Variants in CALN1 observed in about 807,000 individuals in gnomAD.
The protein encoded by CALN1 is calcium-binding protein 8.
CALN1 carries 17 observed loss-of-function variants against 30.6 expected under a neutral mutation model. The ratio of observed to expected loss-of-function variants is 0.56; its 90% confidence interval spans 0.38 to 0.83. The LOEUF is 0.83. Among genes scored for constraint, CALN1 ranks in the 40% least tolerant of loss-of-function variants. The pLI is 0.00. For synonymous variants in CALN1, 156 were observed against 131.4 expected, an observed-to-expected ratio of 1.19 and a Z score of -1.28; for missense variants, 291 against 354.9, an observed-to-expected ratio of 0.82 and a Z score of 1.45.
intron 4 of CALN1, among the ~76,000 whole-genome samples, chr7:72,052,272 A>G (rs915194461): frequency 5.9e-5 from 9 of 152,214 alleles, no homozygotes. Flanking sequence ...CTGTGAATAT[A>G]TAACAGCAAG....
chr7:72,030,866 C>A (rs1210606019), intron 4 of CALN1, among the ~76,000 whole-genome samples: 1 of 152,038 alleles, frequency 6.6e-6, no homozygotes. Flanking sequence ...CCTGCCTCAG[C>A]TTCTGGAGTA....
At chr7:71,918,335 T>C (rs576704022) in intron 5 of CALN1, among the ~76,000 whole-genome samples, 47 of 152,318 alleles carry the variant, frequency 3.1e-4, no homozygotes, top group African/African-American at 1.1e-3. Flanking sequence ...TTTGAAACAA[T>C]GCATCTGTGT....
At chr7:72,467,223 A>G in the CALN1 span, among the ~76,000 whole-genome samples, 17 of 152,162 alleles carry the variant, frequency 1.1e-4, no homozygotes, top group Non-Finnish European at 2.2e-4. Context: ...GTTCCTGGGC[A>G]GTTCCAAGCC....
chr7:71,967,461 C>G (rs1003842662), intron 5 of CALN1, among the ~76,000 whole-genome samples: 18 of 151,630 alleles, frequency 1.2e-4, no homozygotes. Context: ...GACCTTGTCT[C>G]TACTAAAAAT....
At chr7:72,368,503 T>C (rs1804019870) in intron 2 of CALN1, among the ~76,000 whole-genome samples, 1 of 151,952 alleles carries the variant, frequency 6.6e-6, no homozygotes, top group African/African-American at 2.4e-5. Flanking sequence ...GTGATAAATT[T>C]ATATACAAGA....
chr7:71,952,029 C>G (rs1175179936), intron 5 of CALN1, among the ~76,000 whole-genome samples: 2 of 152,040 alleles, frequency 1.3e-5, no homozygotes, highest in Non-Finnish European at 1.5e-5. Context: ...GGAGGGAGAA[C>G]CAGGCAGGAC....
At chr7:71,861,777 C>CAAAAAAA (rs35793572) in intron 5 of CALN1, among the ~76,000 whole-genome samples, 1 of 74,702 alleles carries the variant, frequency 1.3e-5, no homozygotes, top group Non-Finnish European at 2.4e-5. Context: ...CAACTCTATC[C>CAAAAAAA]AAAAAAAAAA....
chr7:72,299,771 G>C (rs1035591149), intron 2 of CALN1, among the ~76,000 whole-genome samples: 1 of 149,838 alleles, frequency 6.7e-6, no homozygotes, highest in Non-Finnish European at 1.5e-5. Context: ...CTGGGTTCAA[G>C]GGATCCTCCT....
Position 72,403,332 on chromosome 7 carries a change from T to A in CALN1, c.38A>T (p.Glu13Val), listed in dbSNP as rs1371654631. 5 of 1,549,608 alleles carry A rather than the reference T, an allele frequency of 3.2e-6. No homozygotes were observed. In the East Asian group the frequency reaches 1.2e-4, roughly 38 times the overall value. ...TCCTCCGTCCCCCTTTTTCTCATTC[T>A]CGGGCTTCCCCTCTCCGGGTTGCTC... Reference protein sequence around the residue: ...LPEQPGEGKPENEKKGDGGAL... With the variant: ...LPEQPGEGKPVNEKKGDGGAL... Residue 13 changes from glutamate (E) to valine (V), a missense_variant, in exon 2 of 7, where the codon GAG becomes GTG. Transcript: ENST00000395275.
chr7:72,068,859 A>C (rs1804203780), intron 4 of CALN1, among the ~76,000 whole-genome samples: 1 of 152,164 alleles, frequency 6.6e-6, no homozygotes, highest in African/African-American at 2.4e-5. Context: ...AAGATGATTA[A>C]AGAAAAAATC....
chr7:72,471,364 T>C, the CALN1 span, among the ~76,000 whole-genome samples: 5 of 152,280 alleles, frequency 3.3e-5, no homozygotes, highest in East Asian at 1.9e-4. Flanking sequence ...CTAAAACCCA[T>C]TGGTGCTGCC....
At chr7:72,335,818 T>C (rs1231797246) in intron 2 of CALN1, among the ~76,000 whole-genome samples, 2 of 152,088 alleles carry the variant, frequency 1.3e-5, no homozygotes, top group African/African-American at 4.8e-5. Flanking sequence ...ATCCCCTCGG[T>C]GCACGCTCTG....
chr7:72,067,347 T>C (rs984017382), intron 4 of CALN1, among the ~76,000 whole-genome samples: 21 of 152,026 alleles, frequency 1.4e-4, no homozygotes, highest in Admixed American at 1.3e-3. Flanking sequence ...GCTCAAGCTA[T>C]CCTCCTGCAT....
chr7:72,058,046 C>T lies in CALN1; in HGVS notation c.389-34277G>A, dbSNP rs138896074. On this transcript the variant is annotated intron_variant, in intron 4 of 6. Coordinates refer to ENST00000395275, the MANE Select transcript of CALN1 (RefSeq NM_031468.4). ...AGCCCATATTATCCAGAATGTTATA[C>T]AACCACCATCCGGATCATTTCACGC... 4.2e-4 allele frequency among the ~76,000 whole-genome samples: 64 copies of T among 152,244 alleles called. 1 individual carries two copies. In the East Asian group the frequency reaches 9.5e-3, roughly 23 times the overall value.
intron 1 of CALN1, among the ~76,000 whole-genome samples, chr7:72,409,587 C>T (rs1210737612): frequency 1.3e-5 from 2 of 151,948 alleles, no homozygotes; most frequent in Non-Finnish European, 2.9e-5. Context: ...ACACCAAAGT[C>T]TTTCATGGAT....
chr7:72,304,596 G>C (rs899039814), intron 2 of CALN1, among the ~76,000 whole-genome samples: 3 of 151,974 alleles, frequency 2.0e-5, no homozygotes, highest in Admixed American at 6.6e-5. Context: ...ACATGGGGGG[G>C]GTATAGCTGC....
chr7:72,029,570 G>C (rs1801305997), intron 4 of CALN1, among the ~76,000 whole-genome samples: 1 of 152,166 alleles, frequency 6.6e-6, no homozygotes, highest in Non-Finnish European at 1.5e-5. Flanking sequence ...TAGAACCTTG[G>C]AAATTTCAGT....
the CALN1 span, among the ~76,000 whole-genome samples, chr7:72,478,346 T>A: frequency 6.8e-6 from 1 of 147,380 alleles, no homozygotes; most frequent in Admixed American, 6.8e-5. Context: ...ATATAATATA[T>A]AAATATAAAT....
chr7:72,021,129 G>T (rs529024350), intron 5 of CALN1, among the ~76,000 whole-genome samples: 76 of 152,162 alleles, frequency 5.0e-4, no homozygotes, highest in African/African-American at 1.7e-3. Context: ...GAAAAATATA[G>T]CAGGGTATGG....
Sources: allele counts gnomAD v4.1 joint callset (sites outside exome capture counted in the v4.1 genomes callset), GRCh38; gene constraint gnomAD v4.1.1; transcripts MANE v1.5; gene names NCBI Gene and HGNC (gene_info 2026-07-23, HGNC 2026-07-21).